PDSS2: variants seen among roughly 807,000 people sequenced by gnomAD.
PDSS2 encodes decaprenyl diphosphate synthase subunit 2.
Under a neutral mutation model 44.5 loss-of-function variants are expected in PDSS2, and 31 were observed. The ratio of observed to expected loss-of-function variants is 0.70; its 90% CI spans 0.52 to 0.94. PDSS2 has a LOEUF of 0.94. Among genes scored for constraint, PDSS2 ranks in the 40% least tolerant of loss-of-function variants. PDSS2 has a pLI of 0.00. For synonymous variants in PDSS2, 157 were observed against 180.3 expected, an observed-to-expected ratio of 0.87 and a Z score of 1.03; for missense variants, 452 against 482.2, an observed-to-expected ratio of 0.94 and a Z score of 0.59.
intron 2 of PDSS2, among the ~76,000 whole-genome samples, chr6:107,322,814 C>T (rs1287121291): frequency 6.6e-6 from 1 of 152,064 alleles, no homozygotes; most frequent in South Asian, 2.1e-4. Context: ...CAGAGGGAGA[C>T]CCTGTCTCAA....
At chr6:107,155,435 C>T (rs1770852050) in intron 7 of PDSS2, among the ~76,000 whole-genome samples, 1 of 152,008 alleles carries the variant, frequency 6.6e-6, no homozygotes, top group South Asian at 2.1e-4. Context: ...GTGTGAGCCA[C>T]CGCACCTGGC....
At chr6:107,336,257 GAAAAA>G (rs780156049) in intron 1 of PDSS2, among the ~76,000 whole-genome samples, 969 of 69,066 alleles carry the variant, frequency 0.014, 11 homozygotes, top group African/African-American at 0.044. Flanking sequence ...TTCCGTCTCA[GAAAAA>G]AAAAAAAAAA....
chr6:107,330,333 C>A (rs539336499), intron 2 of PDSS2, among the ~76,000 whole-genome samples: 1 of 152,156 alleles, frequency 6.6e-6, no homozygotes, highest in Non-Finnish European at 1.5e-5. Flanking sequence ...GAAATGTAGT[C>A]TAGCCGGGTA....
Position 107,227,278 on chromosome 6 carries a change from C to CTTTTTTT in PDSS2, c.703-15003_703-14997dup, listed in dbSNP as rs60988844. Among the ~76,000 whole-genome samples the CTTTTTTT allele has an allele frequency of 2.7e-4, 28 of 102,802 alleles. 1 individual carries two copies. The highest frequency in any genetic ancestry group is 5.4e-4 in the East Asian group (2 of 3,684). 67.4% of individuals were successfully genotyped at this position (102,802 alleles called of 152,430 possible). On this transcript the variant is annotated intron_variant, in intron 4 of 7. Transcript: ENST00000369037. ...GATTATAGGTGTAAGCCACTGTGCCCTTTTTTTTTTTTTTTTTTTTTTTTT... is the reference window on the plus strand; with the variant it reads ...GATTATAGGTGTAAGCCACTGTGCCCTTTTTTTTTTTTTTTTTTTTTTTTTTTTTTTT...
At chr6:107,213,166 C>T (rs9791276) in intron 4 of PDSS2, among the ~76,000 whole-genome samples, 115,519 of 151,376 alleles carry the variant, frequency 0.76, 44,839 homozygotes, top group East Asian at 0.99. Context: ...TGCACCACCA[C>T]ACCAAGTTAA....
chr6:107,210,334 A>G, intron 6 of PDSS2, 105 bp downstream of exon 6: 1 of 832,756 alleles, frequency 1.2e-6, no homozygotes, highest in African/African-American at 1.7e-5. Context: ...TTACGTGAAT[A>G]TGCCTAAGGC....
intron 4 of PDSS2, among the ~76,000 whole-genome samples, chr6:107,221,224 C>A (rs977555453): frequency 5.3e-5 from 8 of 151,334 alleles, no homozygotes; most frequent in African/African-American, 1.9e-4. Context: ...CGCCTGTAAT[C>A]CCAGCTACTT....
chr6:107,364,363 G>A (rs1239130540), intron 1 of PDSS2, among the ~76,000 whole-genome samples: 2 of 151,464 alleles, frequency 1.3e-5, no homozygotes, highest in Admixed American at 6.5e-5. Flanking sequence ...CAGGCATGGC[G>A]GGCTGCAGGT....
chr6:107,376,904 C>T (rs1025130929), intron 1 of PDSS2, among the ~76,000 whole-genome samples: 13 of 152,034 alleles, frequency 8.6e-5, no homozygotes. Context: ...GGATTAAAGA[C>T]TTAAATGTTA....
intron 7 of PDSS2, among the ~76,000 whole-genome samples, chr6:107,159,078 T>G (rs144760085): frequency 6.6e-6 from 1 of 152,202 alleles, no homozygotes; most frequent in Non-Finnish European, 1.5e-5. Context: ...CTTGTCGGAC[T>G]GCTGGGGGGA....
At chr6:107,259,546 A>G (rs1397280731) in intron 3 of PDSS2, among the ~76,000 whole-genome samples, 1 of 152,000 alleles carries the variant, frequency 6.6e-6, no homozygotes, top group Non-Finnish European at 1.5e-5. Context: ...GTGGTGGCAC[A>G]TGCTTGTAAT....
At chr6:107,457,542 A>G (rs1782083985) in intron 1 of PDSS2, among the ~76,000 whole-genome samples, 1 of 152,202 alleles carries the variant, frequency 6.6e-6, no homozygotes, top group Non-Finnish European at 1.5e-5. Flanking sequence ...CCTGGCCTCT[A>G]TCCACTAAAT....
chr6:107,173,325 G>A (rs1771654873), intron 7 of PDSS2, among the ~76,000 whole-genome samples: 1 of 151,898 alleles, frequency 6.6e-6, no homozygotes, highest in Middle Eastern at 3.4e-3. Flanking sequence ...TGTAATCCCA[G>A]CATTTTGGGA....
intron 6 of PDSS2, among the ~76,000 whole-genome samples, chr6:107,206,754 T>G (rs1460859622): frequency 6.6e-6 from 1 of 152,198 alleles, no homozygotes; most frequent in African/African-American, 2.4e-5. Flanking sequence ...TCAAAACTGT[T>G]CTGGGCTGCA....
intron 3 of PDSS2, among the ~76,000 whole-genome samples, chr6:107,252,950 T>C (rs1227485307): frequency 6.6e-6 from 1 of 152,238 alleles, no homozygotes; most frequent in Non-Finnish European, 1.5e-5. Flanking sequence ...CTAGTCTCGT[T>C]AGGCCACAGT....
intron 6 of PDSS2, among the ~76,000 whole-genome samples, chr6:107,200,035 A>T (rs1187962757): frequency 6.6e-6 from 1 of 152,220 alleles, no homozygotes. Flanking sequence ...TAGGACAGAG[A>T]AGAATTAGTG....
chr6:107,406,943 A>C (rs925276351), intron 1 of PDSS2, among the ~76,000 whole-genome samples: 4 of 152,234 alleles, frequency 2.6e-5, no homozygotes, highest in Non-Finnish European at 4.4e-5. Context: ...GAAAGGAAGA[A>C]CAAGAAGTCA....
intron 1 of PDSS2, among the ~76,000 whole-genome samples, chr6:107,403,290 G>A (rs1780204927): frequency 6.6e-6 from 1 of 152,176 alleles, no homozygotes; most frequent in African/African-American, 2.4e-5. Flanking sequence ...TCCAGGTCAC[G>A]CTGATATAAG....
chr6:107,291,495 G>A (rs2500553), intron 2 of PDSS2, among the ~76,000 whole-genome samples: 82,846 of 149,004 alleles, frequency 0.56, 23,653 homozygotes, highest in Middle Eastern at 0.72. Flanking sequence ...TTACAGGTGC[G>A]CGCCACCATA....
Sources: gnomAD v4.1 joint callset for allele counts (sites outside exome capture counted in the v4.1 genomes callset) on GRCh38, gnomAD v4.1.1 for gene constraint, MANE v1.5 for transcripts, NCBI Gene and HGNC (gene_info 2026-07-23, HGNC 2026-07-21) for gene names.